Variants in RBM19 observed in about 807,000 individuals in gnomAD.
The protein encoded by RBM19 is RNA binding motif protein 19.
A neutral mutation model predicts 116.8 loss-of-function variants in RBM19; 94 were observed. The observed-to-expected ratio is 0.80, with a 90% CI of 0.68 to 0.95. RBM19 has a LOEUF of 0.95. Ranked by LOEUF, RBM19 falls within the 40% of genes least tolerant of loss-of-function variation. RBM19 has a pLI of 0.00. For missense variants in RBM19, 1,161 were observed against 1,220.7 expected (o/e 0.95, Z 0.73); for synonymous variants, 475 against 494.1 (o/e 0.96, Z 0.51).
chr12:113,859,638 C>A (rs1344549272), intron 21 of RBM19, among the ~76,000 whole-genome samples: 1 of 152,142 alleles, frequency 6.6e-6, no homozygotes, highest in African/African-American at 2.4e-5. Context: ...CCAGGTTAAA[C>A]CTTTGAGAAA....
intron 11 of RBM19, 50 bp downstream of exon 11, chr12:113,947,284 C>T (rs372457405): frequency 1.7e-5 from 26 of 1,532,932 alleles, no homozygotes; most frequent in African/African-American, 1.6e-4. Context: ...CAGCCTTTCC[C>T]GACCATGTGA....
intron 16 of RBM19, 189 bp from the exon 17 acceptor site, chr12:113,927,418 A>G: frequency 3.1e-6 from 2 of 638,216 alleles, no homozygotes; most frequent in East Asian, 5.5e-5. Flanking sequence ...CTTGAGACAG[A>G]GAGAAAGTCC....
chr12:113,837,246 T>TACACACACATAC (rs1876037339), intron 23 of RBM19, among the ~76,000 whole-genome samples: 1 of 126,806 alleles, frequency 7.9e-6, no homozygotes, highest in East Asian at 2.6e-4. Flanking sequence ...ATCCTCCTAA[T>TACACACACATAC]ACACACACAC....
chr12:113,932,071 C>T (rs1267836701), intron 16 of RBM19, among the ~76,000 whole-genome samples: 1 of 152,190 alleles, frequency 6.6e-6, no homozygotes, highest in Non-Finnish European at 1.5e-5. Flanking sequence ...ACACAGCGAT[C>T]ATGAAATAGC....
intron 8 of RBM19, among the ~76,000 whole-genome samples, 155 bp downstream of exon 8, chr12:113,952,357 C>A (rs1871541272): frequency 6.6e-6 from 1 of 152,180 alleles, no homozygotes; most frequent in South Asian, 2.1e-4. Context: ...AGAGATGCAG[C>A]CTTAACCTGC....
At chr12:113,908,186 G>A (rs964928535) in intron 21 of RBM19, among the ~76,000 whole-genome samples, 1 of 152,178 alleles carries the variant, frequency 6.6e-6, no homozygotes, top group Non-Finnish European at 1.5e-5. Flanking sequence ...CTGGAGAATG[G>A]GAAGTCTTCC....
intron 2 of RBM19, among the ~76,000 whole-genome samples, chr12:113,960,581 T>A (rs1444611939): frequency 6.6e-6 from 1 of 151,970 alleles, no homozygotes; most frequent in Non-Finnish European, 1.5e-5. Context: ...AGTGACAGAG[T>A]GAAGACTGGA....
chr12:113,828,171 T>C (rs1875046449), intron 23 of RBM19, among the ~76,000 whole-genome samples: 1 of 144,954 alleles, frequency 6.9e-6, no homozygotes, highest in Admixed American at 6.9e-5. Flanking sequence ...CACAGAAGAG[T>C]GTCTGGATTT....
chr12:113,940,008 C>T lies in RBM19; in HGVS notation c.1890G>A (p.Leu630=), dbSNP rs2135905565. The T allele has an allele frequency of 6.2e-7, 1 of 1,614,128 alleles. No homozygotes were observed. The highest frequency in any genetic ancestry group is 1.1e-5 in the South Asian group (1 of 91,084). Residue 630 remains leucine, a synonymous_variant, in exon 15 of 24, where the codon CTG becomes CTA. Transcript: ENST00000261741. ...EGGITAIVEF[L]EPLEARKAFR... is the part of the protein sequence containing the mutation. ...AGGCCTTGCGGGCCTCCAGGGGCTC[C>T]AGGAACTCCACGATGGCAGTGATTC...
chr12:113,823,398 A>T lies in RBM19; in HGVS notation c.2786-77T>A, dbSNP rs544837470. 1.6e-3 allele frequency: 2,083 copies of T among 1,293,934 alleles called. 5 individuals are homozygous for T. Among genetic ancestry groups the T allele is most frequent in the Non-Finnish European group, 2.1e-3 (1,915 of 912,326 alleles). 80.2% of individuals were successfully genotyped at this position (1,293,934 alleles called of 1,614,324 possible). On this transcript the variant is annotated intron_variant, in intron 23 of 23. Coordinates refer to ENST00000261741, the MANE Select transcript of RBM19 (RefSeq NM_016196.4). Reference sequence around the variant, plus strand: ...GGAGGCAGGAAGAGAGAAATGACAGAGGAAGGAGGGAGAGGGGAGAGATGA... The same window carrying T: ...GGAGGCAGGAAGAGAGAAATGACAGTGGAAGGAGGGAGAGGGGAGAGATGA...
intron 21 of RBM19, among the ~76,000 whole-genome samples, chr12:113,872,576 G>C (rs1188686748): frequency 8.2e-6 from 1 of 121,722 alleles, no homozygotes; most frequent in African/African-American, 2.9e-5. Flanking sequence ...AGGTGGGGGG[G>C]GGTCAGCCCC....
chr12:113,841,848 A>G (rs1166459180), intron 23 of RBM19, among the ~76,000 whole-genome samples: 1 of 152,216 alleles, frequency 6.6e-6, no homozygotes, highest in Non-Finnish European at 1.5e-5. Flanking sequence ...CTGAGTAGAC[A>G]TAGCACTGCC....
At chr12:113,936,560 G>A (rs1441314096) in intron 16 of RBM19, among the ~76,000 whole-genome samples, 1 of 152,228 alleles carries the variant, frequency 6.6e-6, no homozygotes, top group Non-Finnish European at 1.5e-5. Context: ...AGGGGGTGGG[G>A]GTTGCCCTAT....
chr12:113,944,093 G>GTTTTTTTTTTTTTTTTTTTTTT (rs71433305), intron 13 of RBM19, among the ~76,000 whole-genome samples: 6 of 67,666 alleles, frequency 8.9e-5, no homozygotes, highest in African/African-American at 2.5e-4. Context: ...CCAGATGCAT[G>GTTTTTTTTTTTTTTTTTTTTTT]TTTTTTTTTT....
chr12:113,911,809 G>A (rs1882446502), intron 21 of RBM19, among the ~76,000 whole-genome samples: 1 of 152,142 alleles, frequency 6.6e-6, no homozygotes, highest in Non-Finnish European at 1.5e-5. Flanking sequence ...GGGGACATGA[G>A]AAAGAAATCA....
intron 18 of RBM19, among the ~76,000 whole-genome samples, chr12:113,921,697 G>T (rs111245630): frequency 6.6e-6 from 1 of 152,142 alleles, no homozygotes; most frequent in South Asian, 2.1e-4. Flanking sequence ...TTAAATGTTC[G>T]TTCTGCAAGC....
chr12:113,855,757 A>G (rs1175011644), intron 22 of RBM19, among the ~76,000 whole-genome samples: 1 of 152,222 alleles, frequency 6.6e-6, no homozygotes, highest in Non-Finnish European at 1.5e-5. Context: ...TGTCTCTGGC[A>G]GTATTGCTCT....
intron 23 of RBM19, among the ~76,000 whole-genome samples, chr12:113,832,518 G>A (rs979401021): frequency 2.0e-5 from 3 of 152,154 alleles, no homozygotes; most frequent in African/African-American, 7.2e-5. Flanking sequence ...AGAGGTCAGG[G>A]ATAAATCACC....
rs769482695 is a variant in RBM19, at chr12:113,935,306, C to CA, written c.2068+1700dup. 3.9e-3 allele frequency among the ~76,000 whole-genome samples: 509 copies of CA among 130,416 alleles called. 1 individual carries two copies. Among genetic ancestry groups the CA allele is most frequent in the East Asian group, 0.029 (132 of 4,568 alleles). The allele number at this position is 130,416 out of a possible 152,430, so 85.6% of individuals were successfully genotyped here. ...TTTCAAAGGAGAACTCGCTTTGGGCCAAAAAAAAAAAACATTACTTAGGTT... is the reference window on the plus strand; with the variant it reads ...TTTCAAAGGAGAACTCGCTTTGGGCCAAAAAAAAAAAAACATTACTTAGGTT... On this transcript the variant is annotated intron_variant, in intron 16 of 23. Coordinates refer to ENST00000261741, the MANE Select transcript of RBM19 (RefSeq NM_016196.4).
Sources: gnomAD v4.1 joint callset for allele counts (sites outside exome capture counted in the v4.1 genomes callset) on GRCh38, gnomAD v4.1.1 for gene constraint, MANE v1.5 for transcripts, NCBI Gene and HGNC (gene_info 2026-07-23, HGNC 2026-07-21) for gene names.